HPS6: variants seen among roughly 807,000 people sequenced by gnomAD.
HPS6 encodes HPS6 biogenesis of lysosomal organelles complex 2 subunit 3.
Under a neutral mutation model 53.6 loss-of-function variants are expected in HPS6, and 46 were observed. That is an observed-to-expected ratio of 0.86 (90% CI 0.68 to 1.10). The LOEUF (loss-of-function observed/expected upper bound fraction) is 1.10, where lower values mean the gene tolerates loss of function less well. Ranked by LOEUF, HPS6 falls within the 50% of genes least tolerant of loss-of-function variation. The pLI is 0.00. For missense variants in HPS6, 1,034 were observed against 991.3 expected (o/e 1.04, Z -0.58); for synonymous variants, 535 against 470.8 (o/e 1.14, Z -1.77).
chr10:102,067,741 C>T lies in HPS6; in HGVS notation c.2267C>T (p.Pro756Leu), dbSNP rs1197970670. The change falls in exon 1 of 1, where the codon CCA (proline) becomes CTA (leucine). Residue 756 changes from proline to leucine, a missense_variant. Coordinates refer to ENST00000299238, the MANE Select transcript of HPS6 (RefSeq NM_024747.6). ...QGWLSGPVLS[P>L]YEDILWDPST... Reference sequence around the variant, plus strand: ...TGGCTGTCGGGCCCAGTTCTAAGCCCATATGAGGACATCCTATGGGACCCC... The same window carrying T: ...TGGCTGTCGGGCCCAGTTCTAAGCCTATATGAGGACATCCTATGGGACCCC... The T allele has an allele frequency of 1.2e-6, 2 of 1,613,254 alleles. No homozygotes were observed. The highest frequency in any genetic ancestry group is 1.1e-5 in the South Asian group (1 of 91,086).
In HPS6 at chr10:102,065,456, G is replaced by C. The variant is rs776681353; in HGVS notation, c.-19G>C. 6.5e-7 allele frequency: 1 copy of C among 1,546,678 alleles called. No homozygotes were observed. The highest frequency in any genetic ancestry group is 8.6e-7 in the Non-Finnish European group (1 of 1,157,950). ...CTGGACCTGGGCAAAGCCTGGGCGC[G>C]CTCCCGCGCAGCGGCGCCATGAAGC... On this transcript the variant is annotated 5_prime_UTR_variant, in exon 1 of 1. Transcript: ENST00000299238.
rs768074415 is a variant in HPS6 at position 102,066,719 on chromosome 10, C to T, written c.1245C>T (p.Ser415=). 1.2e-6 allele frequency: 2 copies of T among 1,613,956 alleles called. No individual in the cohort carries two copies. Among genetic ancestry groups the T allele is most frequent in the South Asian group, 2.2e-5 (2 of 91,088 alleles). ...CCTGCGGGTACTACCAGCGGCGGAG[C>T]CTGCGGGGTGCCCAGCTCACTCCAG... ...EEACGYYQRR[S]LRGAQLTPEE... is the part of the protein sequence containing the mutation. The change falls in exon 1 of 1, where the codon AGC becomes AGT. Residue 415 remains serine (S), a synonymous_variant. Transcript: ENST00000299238.
In HPS6 at chr10:102,066,031, A is replaced by G; in HGVS notation, c.557A>G (p.His186Arg). 6.2e-7 allele frequency: 1 copy of G among 1,607,494 alleles called. No individual in the cohort carries two copies. The change falls in exon 1 of 1, where the codon CAC becomes CGC. Residue 186 changes from histidine (H) to arginine (R), a missense_variant. Physicochemically the swap from His to Arg is conservative, Grantham distance 29. Coordinates refer to ENST00000299238, the MANE Select transcript of HPS6 (RefSeq NM_024747.6). Reference protein sequence around the residue: ...TSLGRTHVLLHHCPAFGLLAS... With the variant: ...TSLGRTHVLLRHCPAFGLLAS... The stretch of plus-strand genomic sequence containing the variant: ...CTGGGCCGCACACACGTCCTGCTGC[A>G]CCACTGCCCTGCCTTCGGGCTGCTG...
At chr10:102,068,029 TTAATATA>T (rs1429706811) in exon 1 of HPS6, 3 of 631,334 alleles carry the variant, frequency 4.8e-6, no homozygotes, top group Non-Finnish European at 5.8e-6. Context: ...TATACATAGT[TTAATATA>T]TACACAGTTG....
At position 102,065,591 on chromosome 10, in the gene HPS6, C is replaced by G. The variant is rs770676430; in HGVS notation, c.117C>G (p.Asp39Glu). 5 of 1,542,478 alleles carry G rather than the reference C, an allele frequency of 3.2e-6. No individual in the cohort carries two copies. Among genetic ancestry groups the G allele is most frequent in the Non-Finnish European group, 3.5e-6 (4 of 1,156,778 alleles). Residue 39 changes from aspartate (D) to glutamate (E), a missense_variant, in exon 1 of 1, where the codon GAC becomes GAG. Transcript: ENST00000299238. Reference protein sequence around the residue: ...DSAVRVRGSPDGRHLLLLRPP... With the variant: ...DSAVRVRGSPEGRHLLLLRPP... Reference sequence around the variant, plus strand: ...CGGTCCGAGTCCGTGGCAGTCCGGACGGCCGCCACTTGCTGCTCCTGCGAC... The same window carrying G: ...CGGTCCGAGTCCGTGGCAGTCCGGAGGGCCGCCACTTGCTGCTCCTGCGAC...
Position 102,067,807 on chromosome 10 carries a change from C to T in HPS6, c.*5C>T, listed in dbSNP as rs762578449. 1.1e-5 allele frequency: 17 copies of T among 1,613,060 alleles called. No homozygotes were observed. Among genetic ancestry groups the T allele is most frequent in the Non-Finnish European group, 9.3e-6 (11 of 1,179,998 alleles). ...ACTCCACCTCGGGACCTATGACTAC[C>T]CTTCAGGCATCAGAACACTCAGGGC... On this transcript the variant is annotated 3_prime_UTR_variant, in exon 1 of 1. Transcript: ENST00000299238.
rs770907097 is a variant in HPS6, at chr10:102,067,258, G to A, written c.1784G>A (p.Trp595Ter). ...GCACAGCAGCAGGGCGGGCCGGGCT[G>A]GGGGGCAGGGGGCCCAGGACTGCCC... ...ELAQQQGGPG[W>*]GAGGPGLPLY... The change falls in exon 1 of 1, where the codon TGG (tryptophan) becomes TAG (stop). Residue 595 changes from tryptophan to a stop codon, truncating the protein, a stop_gained. Transcript: ENST00000299238. LOFTEE classifies it high-confidence loss of function. The A allele has an allele frequency of 3.7e-6, 6 of 1,612,560 alleles. No individual in the cohort carries two copies. The highest frequency in any genetic ancestry group is 1.3e-5 in the African/African-American group (1 of 74,928).
rs1432038034 is a variant in HPS6 at position 102,066,149 on chromosome 10, AGT to A, written c.677_678del (p.Val226AspfsTer13). ...LLIWSPGKGK[V>X]MVAAPRLGLS... is the part of the protein sequence containing the mutation. ...TCATCTGGAGCCCAGGCAAGGGCAA[AGT>A]GATGGTGGCTGCCCCACGGCTTGGT... On this transcript the variant is annotated frameshift_variant, in exon 1 of 1. Coordinates refer to ENST00000299238, the MANE Select transcript of HPS6 (RefSeq NM_024747.6). LOFTEE classifies it high-confidence loss of function. 1 of 1,613,846 alleles carries A rather than the reference AGT, an allele frequency of 6.2e-7. No individual in the cohort carries two copies. Among genetic ancestry groups the A allele is most frequent in the South Asian group, 1.1e-5 (1 of 91,086 alleles).
chr10:102,065,580 G>C lies in HPS6; in HGVS notation c.106G>C (p.Gly36Arg), dbSNP rs1365419941. Residue 36 changes from glycine (G) to arginine (R), a missense_variant, in exon 1 of 1, where the codon GGC (glycine) becomes CGC (arginine). Physicochemically the swap from Gly to Arg is moderately radical, Grantham distance 125. Coordinates refer to ENST00000299238, the MANE Select transcript of HPS6 (RefSeq NM_024747.6). ...VAGDSAVRVR[G>R]SPDGRHLLLL... ...CGGGGACTCAGCGGTCCGAGTCCGT[G>C]GCAGTCCGGACGGCCGCCACTTGCT... The C allele has an allele frequency of 6.5e-7, 1 of 1,545,586 alleles. No homozygotes were observed. The highest frequency in any genetic ancestry group is 1.4e-5 in the African/African-American group (1 of 70,598).
rs772583171 is a variant in HPS6, at chr10:102,066,161, T to A, written c.687T>A (p.Ala229=). 10 of 1,613,714 alleles carry A rather than the reference T, an allele frequency of 6.2e-6. No individual in the cohort carries two copies. In the South Asian group the frequency reaches 1.1e-4, roughly 18 times the overall value. Reference sequence around the variant, plus strand: ...CAGGCAAGGGCAAAGTGATGGTGGCTGCCCCACGGCTTGGTCTCTCCTACA... The same window carrying A: ...CAGGCAAGGGCAAAGTGATGGTGGCAGCCCCACGGCTTGGTCTCTCCTACA... ...WSPGKGKVMV[A]APRLGLSYSK... Residue 229 remains alanine (A), a synonymous_variant, in exon 1 of 1, where the codon GCT becomes GCA. Coordinates refer to ENST00000299238, the MANE Select transcript of HPS6 (RefSeq NM_024747.6).
rs1230667052 is a variant in HPS6 at position 102,066,817 on chromosome 10, C to T, written c.1343C>T (p.Pro448Leu). 6.2e-7 allele frequency: 1 copy of T among 1,614,112 alleles called. No homozygotes were observed. Among genetic ancestry groups the T allele is most frequent in the African/African-American group, 1.3e-5 (1 of 74,942 alleles). ...TCCATCCTCCAGGGCCACCTGCCCCCATCTGCACTGCTGACCATGTTGAGG... is the reference window on the plus strand; with the variant it reads ...TCCATCCTCCAGGGCCACCTGCCCCTATCTGCACTGCTGACCATGTTGAGG... ...LASILQGHLP[P>L]SALLTMLRTE... Residue 448 changes from proline to leucine, a missense_variant, in exon 1 of 1, where the codon CCA (proline) becomes CTA (leucine). Transcript: ENST00000299238.
In HPS6 at chr10:102,067,391, T is replaced by C; in HGVS notation, c.1917T>C (p.Ala639=). The change falls in exon 1 of 1, where the codon GCT becomes GCC. Residue 639 remains alanine (A), a synonymous_variant. Transcript: ENST00000299238. Reference sequence around the variant, plus strand: ...GGCGGCCTAAAGCTGTGCTCCAAGCTGTCGGGCAGCTGGTGCAAAAGGAAC... The same window carrying C: ...GGCGGCCTAAAGCTGTGCTCCAAGCCGTCGGGCAGCTGGTGCAAAAGGAAC... The part of the protein sequence containing the change: ...SSGRPKAVLQ[A]VGQLVQKEQW... 1 of 1,612,958 alleles carries C rather than the reference T, an allele frequency of 6.2e-7. No homozygotes were observed. Among genetic ancestry groups the C allele is most frequent in the Non-Finnish European group, 8.5e-7 (1 of 1,180,010 alleles).
Position 102,065,609 on chromosome 10 carries a change from C to T in HPS6, c.135C>T (p.Leu45=). 2 of 1,549,326 alleles carry T rather than the reference C, an allele frequency of 1.3e-6. No homozygotes were observed. Among genetic ancestry groups the T allele is most frequent in the Non-Finnish European group, 1.7e-6 (2 of 1,159,594 alleles). The change falls in exon 1 of 1, where the codon CTC becomes CTT. Residue 45 remains leucine (L), a synonymous_variant. Transcript: ENST00000299238. ...RGSPDGRHLL[L]LRPPGAVAPQ... ...GTCCGGACGGCCGCCACTTGCTGCT[C>T]CTGCGACCCCCTGGGGCGGTAGCCC...
chr10:102,065,506 C>CGA lies in HPS6; in HGVS notation c.33_34insAG (p.Asp12ArgfsTer3). On this transcript the variant is annotated frameshift_variant, in exon 1 of 1. Coordinates refer to ENST00000299238, the MANE Select transcript of HPS6 (RefSeq NM_024747.6). LOFTEE classifies it low-confidence loss of function (END_TRUNC). ...CGCTCGGGGACTCTGCGGCTGCTCT[C>CGA]GGACCTGAGCGCCTTCGGCGGCGCG... The CGA allele has an allele frequency of 6.4e-7, 1 of 1,556,912 alleles. No individual in the cohort carries two copies. The highest frequency in any genetic ancestry group is 1.2e-5 in the South Asian group (1 of 85,548).
rs766181307 is a variant in HPS6 at position 102,066,742 on chromosome 10, CAGA to C, written c.1273_1275del (p.Glu425del). On this transcript the variant is annotated inframe_deletion, in exon 1 of 1. Transcript: ENST00000299238. ...AGCCTGCGGGGTGCCCAGCTCACTC[CAGA>C]AGAACTGAGACACAGCAGCACATTC... 24 of 1,613,956 alleles carry C rather than the reference CAGA, an allele frequency of 1.5e-5. No individual in the cohort carries two copies. Among genetic ancestry groups the C allele is most frequent in the Non-Finnish European group, 2.0e-5 (24 of 1,180,040 alleles).
At position 102,065,748 on chromosome 10, in the gene HPS6, C is replaced by G; in HGVS notation, c.274C>G (p.Leu92Val). 1 of 1,501,384 alleles carries G rather than the reference C, an allele frequency of 6.7e-7. No individual in the cohort carries two copies. Among genetic ancestry groups the G allele is most frequent in the Non-Finnish European group, 8.8e-7 (1 of 1,133,092 alleles). 93.0% of individuals were successfully genotyped at this position (1,501,384 alleles called of 1,614,324 possible). A position where few individuals can be genotyped will look rare whatever the true frequency, so the allele number is the denominator to read the frequency against. The part of the protein sequence containing the change: ...FFLPWPARPA[L>V]VLVWESGLAE... ...CCTGCCGTGGCCAGCGCGGCCGGCGCTGGTGCTGGTGTGGGAGAGTGGCCT... is the reference window on the plus strand; with the variant it reads ...CCTGCCGTGGCCAGCGCGGCCGGCGGTGGTGCTGGTGTGGGAGAGTGGCCT... Residue 92 changes from leucine (L) to valine (V), a missense_variant, in exon 1 of 1, where the codon CTG (leucine) becomes GTG (valine). Physicochemically the swap from Leu to Val is conservative, Grantham distance 32. Coordinates refer to ENST00000299238, the MANE Select transcript of HPS6 (RefSeq NM_024747.6).
Position 102,065,506 on chromosome 10 carries a change from C to A in HPS6, c.32C>A (p.Ser11Ter). Residue 11 changes from serine to a stop codon, truncating the protein, a stop_gained, in exon 1 of 1, where the codon TCG (serine) becomes TAG (stop). Coordinates refer to ENST00000299238, the MANE Select transcript of HPS6 (RefSeq NM_024747.6). LOFTEE classifies it low-confidence loss of function (END_TRUNC). ...CGCTCGGGGACTCTGCGGCTGCTCT[C>A]GGACCTGAGCGCCTTCGGCGGCGCG... MKRSGTLRLL[S>*]DLSAFGGAAR... The A allele has an allele frequency of 6.4e-6, 10 of 1,556,912 alleles. No individual in the cohort carries two copies. Among genetic ancestry groups the A allele is most frequent in the Non-Finnish European group, 8.6e-6 (10 of 1,163,034 alleles).
chr10:102,067,885 T>C lies in HPS6; in HGVS notation c.*83T>C, dbSNP rs780152492. ...TGCTTGGACAGTTCCTCTGTGTCAC[T>C]GACACAGGAAATCATTTCTAGGACA... On this transcript the variant is annotated 3_prime_UTR_variant, in exon 1 of 1. Coordinates refer to ENST00000299238, the MANE Select transcript of HPS6 (RefSeq NM_024747.6). 17 of 1,485,918 alleles carry C rather than the reference T, an allele frequency of 1.1e-5. No homozygotes were observed. In the Admixed American group the frequency reaches 2.2e-4, roughly 19 times the overall value. The allele number at this position is 1,485,918 out of a possible 1,614,324, so 92.0% of individuals were successfully genotyped here.
At position 102,066,835 on chromosome 10, in the gene HPS6, T is replaced by C. The variant is rs774992667; in HGVS notation, c.1361T>C (p.Met454Thr). The change falls in exon 1 of 1, where the codon ATG becomes ACG. Residue 454 changes from methionine to threonine, a missense_variant. By Grantham distance (81) the Met-to-Thr change is moderately conservative (BLOSUM62 -1). Transcript: ENST00000299238. Reference sequence around the variant, plus strand: ...CTGCCCCCATCTGCACTGCTGACCATGTTGAGGACCGAGCTTCGGGATTAC... The same window carrying C: ...CTGCCCCCATCTGCACTGCTGACCACGTTGAGGACCGAGCTTCGGGATTAC... ...GHLPPSALLT[M>T]LRTELRDYRG... 7 of 1,614,054 alleles carry C rather than the reference T, an allele frequency of 4.3e-6. No individual in the cohort carries two copies. The Admixed American group carries it at 5.0e-5, about 12-fold the overall frequency.
Sources: gnomAD v4.1 joint callset for allele counts on GRCh38, gnomAD v4.1.1 for gene constraint, MANE v1.5 for transcripts, NCBI Gene and HGNC (gene_info 2026-07-23, HGNC 2026-07-21) for gene names.